The following PKHD1L1 variants were observed in gnomAD, a reference collection of about 807,000 sequenced individuals.
PKHD1L1 encodes PKHD1 like 1.
A neutral mutation model predicts 462.9 loss-of-function variants in PKHD1L1; 434 were observed. The ratio of observed to expected loss-of-function variants is 0.94; its 90% CI spans 0.87 to 1.02. The LOEUF (loss-of-function observed/expected upper bound fraction) is 1.02, where lower values mean the gene tolerates loss of function less well. Ranked by LOEUF, PKHD1L1 falls within the 50% of genes least tolerant of loss-of-function variation. PKHD1L1 has a pLI of 0.00. For missense variants in PKHD1L1, 5,202 were observed against 5,096.1 expected (o/e 1.02, Z -0.63); for synonymous variants, 1,781 against 1,750.0 (o/e 1.02, Z -0.44).
chr8:109,429,427 G>T lies in PKHD1L1; in HGVS notation c.3088G>T (p.Gly1030Ter). ...TGGCTTATTCAGACAACATGTACTT[G>T]GAGACCTACTTCGTACACCCAGTCA... ...EGGLFRQHVL[G>*]DLLRTPSQQP... Residue 1030 changes from glycine (G) to a stop codon, truncating the protein, a stop_gained, in exon 26 of 78, where the codon GGA (glycine) becomes TGA (stop). Transcript: ENST00000378402. LOFTEE classifies it high-confidence loss of function. The T allele has an allele frequency of 6.2e-7, 1 of 1,607,682 alleles. No individual in the cohort carries two copies. The highest frequency in any genetic ancestry group is 8.5e-7 in the Non-Finnish European group (1 of 1,176,454).
intron 73 of PKHD1L1, 137 bp from the exon 74 acceptor site, chr8:109,522,049 G>T: frequency 1.4e-6 from 1 of 736,198 alleles, no homozygotes; most frequent in Non-Finnish European, 2.0e-6. Flanking sequence ...GCTGTGTTTT[G>T]CTCAGGTAAG....
At position 109,429,419 on chromosome 8, in the gene PKHD1L1, A is replaced by T; in HGVS notation, c.3080A>T (p.His1027Leu). The T allele has an allele frequency of 1.2e-6, 2 of 1,606,972 alleles. No individual in the cohort carries two copies. Among genetic ancestry groups the T allele is most frequent in the Non-Finnish European group, 1.7e-6 (2 of 1,175,934 alleles). Residue 1027 changes from histidine to leucine, a missense_variant, in exon 26 of 78, where the codon CAT becomes CTT. Physicochemically the swap from His to Leu is moderately conservative, Grantham distance 99. This residue lies in a region of PKHD1L1 where 4,497 missense variants were observed against 4,336.8 expected (regional missense o/e 1.04). Coordinates refer to ENST00000378402, the MANE Select transcript of PKHD1L1 (RefSeq NM_177531.6). The stretch of plus-strand genomic sequence containing the variant: ...AAGGAAGGTGGCTTATTCAGACAAC[A>T]TGTACTTGGAGACCTACTTCGTACA... ...RIKEGGLFRQ[H>L]VLGDLLRTPS...
intron 61 of PKHD1L1, 113 bp downstream of exon 61, chr8:109,491,214 T>C (rs1410595451): frequency 8.8e-7 from 1 of 1,134,846 alleles, no homozygotes; most frequent in African/African-American, 1.6e-5. Flanking sequence ...AAATGGTCTA[T>C]ATTTCTGCTG....
chr8:109,369,212 G>A (rs1482512623), intron 2 of PKHD1L1, among the ~76,000 whole-genome samples: 2 of 102,786 alleles, frequency 1.9e-5, no homozygotes, highest in Non-Finnish European at 4.2e-5. Flanking sequence ...CTGACTTCAG[G>A]TGATAACACC....
intron 10 of PKHD1L1, 32 bp from the exon 11 acceptor site, chr8:109,395,995 A>G (rs772403429): frequency 2.8e-6 from 4 of 1,426,420 alleles, no homozygotes; most frequent in Non-Finnish European, 2.9e-6. Context: ...TGTAATATTT[A>G]TGATATTTTA....
In PKHD1L1 at chr8:109,406,350, A is replaced by G. The variant is rs201284253; in HGVS notation, c.1685A>G (p.Asp562Gly). Residue 562 changes from aspartate to glycine, a missense_variant, in exon 17 of 78, where the codon GAT becomes GGT. Transcript: ENST00000378402. The part of the protein sequence containing the change: ...NMEKTVFLPA[D>G]ASEFILQSAL... ...CCAATCAAAGTCTTCCTACCTGCTG[A>G]TGCTTCTGAATTCATACTGCAATCA... The G allele has an allele frequency of 1.8e-4, 273 of 1,550,752 alleles. No homozygotes were observed. The African/African-American group carries it at 3.3e-3, about 19-fold the overall frequency.
chr8:109,377,989 G>T (rs761115171), intron 2 of PKHD1L1, among the ~76,000 whole-genome samples: 155 of 151,840 alleles, frequency 1.0e-3, no homozygotes, highest in Non-Finnish European at 1.8e-3. Flanking sequence ...TTACCCTTTT[G>T]TCTCTTTCTG....
intron 29 of PKHD1L1, 28 bp downstream of exon 29, chr8:109,435,382 A>G: frequency 6.3e-7 from 1 of 1,593,236 alleles, no homozygotes. Flanking sequence ...AAACAGAGAG[A>G]AAATTGCATG....
intron 52 of PKHD1L1, 125 bp downstream of exon 52, chr8:109,476,792 G>A (rs772529546): frequency 3.8e-5 from 32 of 838,178 alleles, no homozygotes; most frequent in Non-Finnish European, 5.2e-5. Context: ...AATGTTTGCT[G>A]AATGGAAAAA....
Position 109,464,433 on chromosome 8 carries a change from A to G in PKHD1L1, c.7601A>G (p.His2534Arg), listed in dbSNP as rs767097439. The change falls in exon 49 of 78, where the codon CAT becomes CGT. Residue 2534 changes from histidine to arginine, a missense_variant. By Grantham distance (29) the His-to-Arg change is conservative. This residue lies in a region of PKHD1L1 where 4,497 missense variants were observed against 4,336.8 expected (regional missense o/e 1.04). Transcript: ENST00000378402. Reference protein sequence around the residue: ...GAFFIEDGIEHGNILQYNLAV... With the variant: ...GAFFIEDGIERGNILQYNLAV... ...TTTTTTATAGAAGATGGTATTGAAC[A>G]TGGCAATATCCTCCAGTATAACTTG... The G allele has an allele frequency of 6.2e-6, 10 of 1,613,560 alleles. No individual in the cohort carries two copies. The Admixed American group carries it at 1.7e-4, about 27-fold the overall frequency.
chr8:109,461,909 G>T lies in PKHD1L1; in HGVS notation c.7383+1G>T. 1 of 1,596,116 alleles carries T rather than the reference G, an allele frequency of 6.3e-7. No homozygotes were observed. The highest frequency in any genetic ancestry group is 2.3e-5 in the East Asian group (1 of 44,366). ...AACTGGGAGAATAGAATATGTAGAGGTGAGAGGCATTATTACTAAATCACA... is the reference window on the plus strand; with the variant it reads ...AACTGGGAGAATAGAATATGTAGAGTTGAGAGGCATTATTACTAAATCACA... On this transcript the variant is annotated splice_donor_variant, in intron 48 of 77. Transcript: ENST00000378402. LOFTEE classifies it high-confidence loss of function.
intron 73 of PKHD1L1, among the ~76,000 whole-genome samples, chr8:109,520,609 GAACCCTACA>G (rs1440980003): frequency 6.6e-6 from 1 of 152,136 alleles, no homozygotes; most frequent in Admixed American, 6.6e-5. Context: ...GTCTCAAGGA[GAACCCTACA>G]ACTTGGTGAA....
At chr8:109,455,783 C>T (rs1040490740) in intron 45 of PKHD1L1, among the ~76,000 whole-genome samples, 7 of 152,104 alleles carry the variant, frequency 4.6e-5, no homozygotes, top group Admixed American at 1.3e-4. Context: ...AATCTATCCC[C>T]TTTATAAATT....
At chr8:109,371,775 G>C (rs1416644687) in intron 2 of PKHD1L1, among the ~76,000 whole-genome samples, 4 of 151,862 alleles carry the variant, frequency 2.6e-5, no homozygotes, top group African/African-American at 9.7e-5. Flanking sequence ...TTTCCCCATT[G>C]CTTGTTTTTG....
rs559902154 is a variant in PKHD1L1, at chr8:109,409,395, G to A, written c.1972-470G>A. On this transcript the variant is annotated intron_variant, in intron 18 of 77. Transcript: ENST00000378402. ...CTCCTGAGTAGCTGGGACTACAGGC[G>A]CTTGCCACATGCCCAGCTAATTTTT... 3.2e-4 allele frequency among the ~76,000 whole-genome samples: 49 copies of A among 151,932 alleles called. No homozygotes were observed. In the South Asian group the frequency reaches 4.4e-3, roughly 14 times the overall value.
intron 55 of PKHD1L1, among the ~76,000 whole-genome samples, chr8:109,480,349 G>A (rs1242594939): frequency 1.3e-5 from 2 of 151,934 alleles, no homozygotes; most frequent in Admixed American, 1.3e-4. Flanking sequence ...AGTTACTATA[G>A]GATTCTTGAG....
At chr8:109,439,820 C>T (rs1815671954) in intron 32 of PKHD1L1, among the ~76,000 whole-genome samples, 2 of 152,056 alleles carry the variant, frequency 1.3e-5, no homozygotes, top group South Asian at 4.1e-4. Context: ...TGCAAAAAGG[C>T]CAATACAGCT....
At chr8:109,378,901 A>G (rs532566945) in intron 2 of PKHD1L1, among the ~76,000 whole-genome samples, 9 of 152,336 alleles carry the variant, frequency 5.9e-5, no homozygotes, top group Admixed American at 4.6e-4. Flanking sequence ...ATGCAGATCT[A>G]TGTGTCTCAA....
rs960064270 is a variant in PKHD1L1, at chr8:109,419,202, G to A, written c.2466G>A (p.Gln822=). 1.2e-5 allele frequency: 20 copies of A among 1,612,892 alleles called. No homozygotes were observed. The highest frequency in any genetic ancestry group is 1.7e-5 in the Admixed American group (1 of 59,906). The change falls in exon 22 of 78, where the codon CAG becomes CAA. Residue 822 remains glutamine, a synonymous_variant. Transcript: ENST00000378402. ...RISLHKASES[Q]SFYVDVVYIG... is the part of the protein sequence containing the mutation. ...GCTTACATAAAGCATCAGAATCACA[G>A]TCCTTCTATGTGGATGTAGTGTACA... is the stretch of plus-strand genomic sequence containing the variant.
Sources: allele counts gnomAD v4.1 joint callset (sites outside exome capture counted in the v4.1 genomes callset), GRCh38; gene constraint gnomAD v4.1.1; regional missense constraint gnomAD v4.1.1; transcripts MANE v1.5; gene names NCBI Gene and HGNC (gene_info 2026-07-23, HGNC 2026-07-21).